GABRG3: variants seen among roughly 807,000 people sequenced by gnomAD.
GABRG3 encodes gamma-aminobutyric acid receptor subunit gamma-3.
In GABRG3, 25 loss-of-function variants were observed where a neutral mutation model predicts 48.8. The ratio of observed to expected loss-of-function variants is 0.51; its 90% CI spans 0.37 to 0.72. The LOEUF (loss-of-function observed/expected upper bound fraction) is 0.72, where lower values mean the gene tolerates loss of function less well. Among genes scored for constraint, GABRG3 ranks in the 30% least tolerant of loss-of-function variants. GABRG3 has a pLI of 0.00. For synonymous variants in GABRG3, 227 were observed against 217.6 expected (o/e 1.04, Z -0.38); for missense variants, 394 against 577.9 (o/e 0.68, Z 3.26).
intron 5 of GABRG3, among the ~76,000 whole-genome samples, chr15:27,354,390 C>A (rs111510948): frequency 4.5e-4 from 68 of 152,176 alleles, no homozygotes; most frequent in African/African-American, 1.5e-3. Flanking sequence ...AAAGCAAATC[C>A]TTCGCCAACA....
chr15:27,208,530 T>A, intron 3 of GABRG3: 1 of 184,330 alleles, frequency 5.4e-6, no homozygotes, highest in South Asian at 1.1e-4. Context: ...ATGTAAATCT[T>A]CAGGGTGACC....
rs536222305 is a variant in GABRG3, at chr15:27,236,179, C to T, written c.271-90630C>T. On this transcript the variant is annotated intron_variant, in intron 3 of 9. Transcript: ENST00000615808. This position sits in a 1 kb window ranked among gnomAD's most constrained non-coding sequence, Gnocchi z 4.4. Reference sequence around the variant, plus strand: ...ACACTTTTCTGTAAACCGTGTCCGGCGTACATGGAAGCATCTCAGGAGGAA... The same window carrying T: ...ACACTTTTCTGTAAACCGTGTCCGGTGTACATGGAAGCATCTCAGGAGGAA... Among the ~76,000 whole-genome samples the T allele has an allele frequency of 2.4e-4, 36 of 152,256 alleles. No individual in the cohort carries two copies. In the South Asian group the frequency reaches 4.8e-3, roughly 20 times the overall value.
intron 3 of GABRG3, among the ~76,000 whole-genome samples, chr15:27,043,232 A>C (rs1416201734): frequency 6.6e-6 from 1 of 152,178 alleles, no homozygotes; most frequent in Non-Finnish European, 1.5e-5. Flanking sequence ...ACTCAGAACA[A>C]CACCACATTC....
chr15:27,088,822 T>C (rs1040410614), intron 3 of GABRG3, among the ~76,000 whole-genome samples: 2 of 152,052 alleles, frequency 1.3e-5, no homozygotes, highest in East Asian at 1.9e-4. Context: ...AGCCAAGCCA[T>C]GTGAGTGCCC....
At chr15:27,279,706 A>G (rs939132728) in intron 3 of GABRG3, among the ~76,000 whole-genome samples, 5 of 152,156 alleles carry the variant, frequency 3.3e-5, no homozygotes, top group Admixed American at 6.5e-5. Context: ...GTAATAAACT[A>G]CTACTTATTC....
chr15:27,393,166 A>G (rs1456807620), intron 5 of GABRG3, among the ~76,000 whole-genome samples: 1 of 151,970 alleles, frequency 6.6e-6, no homozygotes, highest in East Asian at 1.9e-4. Context: ...AACACGGTGA[A>G]ACCCCATCTC....
chr15:27,189,588 G>A (rs988568454), intron 3 of GABRG3, among the ~76,000 whole-genome samples: 40 of 152,250 alleles, frequency 2.6e-4, no homozygotes, highest in African/African-American at 9.1e-4. Flanking sequence ...TGTATCCTGA[G>A]ACTTTGCTGA....
chr15:27,135,680 G>A (rs1424627391), intron 3 of GABRG3, among the ~76,000 whole-genome samples: 1 of 152,174 alleles, frequency 6.6e-6, no homozygotes, highest in African/African-American at 2.4e-5. Flanking sequence ...CCCGAGGCAG[G>A]TGGGTCACGA....
chr15:27,170,890 C>T (rs1887544838), intron 3 of GABRG3, among the ~76,000 whole-genome samples: 2 of 152,142 alleles, frequency 1.3e-5, no homozygotes, highest in Admixed American at 1.3e-4. Flanking sequence ...ATTTATGCGT[C>T]CCCAAATAGA....
intron 3 of GABRG3, among the ~76,000 whole-genome samples, chr15:27,288,150 A>G (rs1891678325): frequency 1.3e-5 from 2 of 151,970 alleles, no homozygotes; most frequent in African/African-American, 2.4e-5. Context: ...CTACTTCTCA[A>G]TCTCTGGAAA....
chr15:27,475,548 G>A (rs971864865), intron 5 of GABRG3, among the ~76,000 whole-genome samples: 1 of 151,978 alleles, frequency 6.6e-6, no homozygotes, highest in Non-Finnish European at 1.5e-5. Context: ...TAGTGGTGAT[G>A]ATGATGGTAT....
At chr15:27,429,790 C>T (rs1193808521) in intron 5 of GABRG3, among the ~76,000 whole-genome samples, 1 of 152,160 alleles carries the variant, frequency 6.6e-6, no homozygotes, top group Non-Finnish European at 1.5e-5. Context: ...CATGGATATA[C>T]CACAATGTGA....
intron 3 of GABRG3, among the ~76,000 whole-genome samples, chr15:27,070,060 A>G (rs890974408): frequency 6.6e-6 from 1 of 152,242 alleles, no homozygotes; most frequent in African/African-American, 2.4e-5. Context: ...TGTTGTGAAA[A>G]AAACAGAAAA....
At chr15:26,973,702 C>T (rs946718872) in intron 1 of GABRG3, among the ~76,000 whole-genome samples, 1 of 152,142 alleles carries the variant, frequency 6.6e-6, no homozygotes, top group Non-Finnish European at 1.5e-5. Flanking sequence ...TTGGTGATGC[C>T]TTAACTGCTT....
At chr15:27,089,851 A>G (rs919232410) in intron 3 of GABRG3, among the ~76,000 whole-genome samples, 5 of 152,332 alleles carry the variant, frequency 3.3e-5, no homozygotes, top group African/African-American at 1.2e-4. Context: ...TTCAAGGTTC[A>G]TCCATGCTGC....
At chr15:27,479,140 C>A (rs142276337) in intron 5 of GABRG3, among the ~76,000 whole-genome samples, 1 of 151,632 alleles carries the variant, frequency 6.6e-6, no homozygotes, top group South Asian at 2.1e-4. Flanking sequence ...AAAAAAAAAC[C>A]CTGATTTGGA....
intron 5 of GABRG3, among the ~76,000 whole-genome samples, chr15:27,445,867 T>A (rs1453062127): frequency 6.6e-6 from 1 of 152,184 alleles, no homozygotes. Flanking sequence ...CATGTGGATA[T>A]CCAATTGTGC....
rs965130829 is a variant in GABRG3, at chr15:27,018,251, T to C, written c.203-8503T>C. 3.3e-5 allele frequency among the ~76,000 whole-genome samples: 5 copies of C among 152,330 alleles called. No individual in the cohort carries two copies. The South Asian group carries it at 1.0e-3, about 32-fold the overall frequency. On this transcript the variant is annotated intron_variant, in intron 2 of 9. Transcript: ENST00000615808. Reference sequence around the variant, plus strand: ...TTACTAGACTTGGCAGATGCCTTCCTCAATTCTCTTATATTCTTATCATCA... The same window carrying C: ...TTACTAGACTTGGCAGATGCCTTCCCCAATTCTCTTATATTCTTATCATCA...
chr15:27,306,683 T>TATGAACATGTTTATATATAAACATATAC lies in GABRG3; in HGVS notation c.271-20124_271-20097dup, dbSNP rs1566768826. ...GAACATGTTTATATATAAACATATATATGAACATGTTTATATATAAACATA... is the reference window on the plus strand; with the variant it reads ...GAACATGTTTATATATAAACATATATATGAACATGTTTATATATAAACATATACATGAACATGTTTATATATAAACATA... On this transcript the variant is annotated intron_variant, in intron 3 of 9. Coordinates refer to ENST00000615808, the MANE Select transcript of GABRG3 (RefSeq NM_033223.5). Among the ~76,000 whole-genome samples, 66 of 77,874 alleles carry TATGAACATGTTTATATATAAACATATAC rather than the reference T, an allele frequency of 8.5e-4. 1 individual carries two copies. The highest frequency in any genetic ancestry group is 2.0e-3 in the Admixed American group (15 of 7,610). 51.1% of individuals were successfully genotyped at this position (77,874 alleles called of 152,430 possible). A position where few individuals can be genotyped will look rare whatever the true frequency, so the allele number is the denominator to read the frequency against.
Sources: gnomAD v4.1 joint callset for allele counts (sites outside exome capture counted in the v4.1 genomes callset) on GRCh38, gnomAD v4.1.1 for gene constraint, Gnocchi (gnomAD v3.1) non-coding constraint, MANE v1.5 for transcripts, NCBI Gene and HGNC (gene_info 2026-07-23, HGNC 2026-07-21) for gene names.